RPS6KA2: variants seen among roughly 807,000 people sequenced by gnomAD.
The protein encoded by RPS6KA2 is ribosomal protein S6 kinase A2.
Under a neutral mutation model 91.8 loss-of-function variants are expected in RPS6KA2, and 42 were observed. That is an observed-to-expected ratio of 0.46 (90% CI 0.36 to 0.59). RPS6KA2 has a LOEUF of 0.59. Ranked by LOEUF, RPS6KA2 falls within the 20% of genes least tolerant of loss-of-function variation. RPS6KA2 has a pLI of 0.00. For missense variants in RPS6KA2, 798 were observed against 978.5 expected, an observed-to-expected ratio of 0.82 and a Z score of 2.46; for synonymous variants, 414 against 393.6, an observed-to-expected ratio of 1.05 and a Z score of -0.61.
chr6:166,758,087 G>A (rs980549908), intron 2 of RPS6KA2, among the ~76,000 whole-genome samples: 2 of 152,210 alleles, frequency 1.3e-5, no homozygotes, highest in African/African-American at 4.8e-5. Flanking sequence ...AGCCAGGCTG[G>A]CAACGTGCCT....
rs144113241 is a variant in RPS6KA2, at chr6:166,480,167, C to A, written c.907+8666G>T. On this transcript the variant is annotated intron_variant, in intron 10 of 20. Coordinates refer to ENST00000265678, the MANE Select transcript of RPS6KA2 (RefSeq NM_021135.6). ...TTATGAAAAGTGGGAAAAACACACC[C>A]CTTCACCCGGAAGTTGGGAAACTGC... Among the ~76,000 whole-genome samples the A allele has an allele frequency of 6.1e-4, 93 of 152,110 alleles. 1 individual carries two copies. The Middle Eastern group carries it at 0.014, about 22-fold the overall frequency.
chr6:166,805,417 G>A (rs1002062940), intron 2 of RPS6KA2, among the ~76,000 whole-genome samples: 2 of 152,132 alleles, frequency 1.3e-5, no homozygotes, highest in African/African-American at 4.8e-5. Flanking sequence ...TAAAGAATCG[G>A]CACATTTTTT....
At chr6:166,574,756 G>C (rs1307991155) in intron 1 of RPS6KA2, among the ~76,000 whole-genome samples, 3 of 152,208 alleles carry the variant, frequency 2.0e-5, no homozygotes, top group Admixed American at 6.5e-5. Flanking sequence ...ATAGGAGTAA[G>C]ATGGAAACAG....
chr6:166,728,600 C>T (rs1159167536), intron 2 of RPS6KA2, among the ~76,000 whole-genome samples: 1 of 152,218 alleles, frequency 6.6e-6, no homozygotes, highest in African/African-American at 2.4e-5. Flanking sequence ...CTCACACCCT[C>T]CAGCACACAA....
At chr6:166,634,219 G>A (rs1457956921) in intron 2 of RPS6KA2, among the ~76,000 whole-genome samples, 1 of 152,228 alleles carries the variant, frequency 6.6e-6, no homozygotes, top group Non-Finnish European at 1.5e-5. Context: ...TGACAGTCTT[G>A]TGGGGCAGGA....
intron 2 of RPS6KA2, among the ~76,000 whole-genome samples, chr6:166,697,708 C>A (rs1004223322): frequency 3.9e-5 from 6 of 152,208 alleles, no homozygotes; most frequent in African/African-American, 1.4e-4. Flanking sequence ...AGGCTAATAT[C>A]TCTCCTATTT....
At chr6:166,669,326 T>C (rs1213544522) in intron 2 of RPS6KA2, among the ~76,000 whole-genome samples, 1 of 152,146 alleles carries the variant, frequency 6.6e-6, no homozygotes, top group Non-Finnish European at 1.5e-5. Flanking sequence ...GCAGTGGACA[T>C]GGAACATGGA....
At chr6:166,467,086 A>G (rs1238478791) in intron 11 of RPS6KA2, among the ~76,000 whole-genome samples, 1 of 149,518 alleles carries the variant, frequency 6.7e-6, no homozygotes, top group Non-Finnish European at 1.5e-5. Flanking sequence ...TCACTCCCTC[A>G]CTCATTCACT....
intron 8 of RPS6KA2, among the ~76,000 whole-genome samples, chr6:166,496,149 AAG>A (rs1781776962): frequency 6.6e-6 from 1 of 152,170 alleles, no homozygotes; most frequent in East Asian, 1.9e-4. Flanking sequence ...TTGGGGGTTC[AAG>A]ACCAACCTGG....
chr6:166,601,495 T>G (rs965649928), intron 1 of RPS6KA2, among the ~76,000 whole-genome samples: 4 of 152,214 alleles, frequency 2.6e-5, no homozygotes, highest in African/African-American at 7.2e-5. Flanking sequence ...AGGAGAGACT[T>G]GCTGTATTAG....
intron 17 of RPS6KA2, among the ~76,000 whole-genome samples, chr6:166,422,151 C>T (rs1177073617): frequency 6.6e-6 from 1 of 152,258 alleles, no homozygotes; most frequent in Middle Eastern, 3.4e-3. Flanking sequence ...CCACCTGCCT[C>T]GGCCTCCCAA....
chr6:166,535,043 G>C (rs1040243858), intron 2 of RPS6KA2, among the ~76,000 whole-genome samples: 2 of 152,168 alleles, frequency 1.3e-5, no homozygotes, highest in African/African-American at 2.4e-5. Context: ...TAATGTAGTG[G>C]AATAAGCTCC....
intron 1 of RPS6KA2, among the ~76,000 whole-genome samples, chr6:166,539,480 A>G (rs1463852819): frequency 6.6e-6 from 1 of 152,208 alleles, no homozygotes; most frequent in Non-Finnish European, 1.5e-5. Flanking sequence ...GGTCTGGAAA[A>G]TGCAGACGGC....
At chr6:166,771,205 A>C (rs765191653) in intron 2 of RPS6KA2, among the ~76,000 whole-genome samples, 4 of 152,218 alleles carry the variant, frequency 2.6e-5, no homozygotes, top group Non-Finnish European at 5.9e-5. Context: ...CAACGGAAAG[A>C]AAGTCTCTTT....
intron 11 of RPS6KA2, among the ~76,000 whole-genome samples, chr6:166,465,607 C>A (rs1354112932): frequency 2.6e-5 from 4 of 152,226 alleles, no homozygotes; most frequent in African/African-American, 7.2e-5. Flanking sequence ...TGTTTTCATG[C>A]CTACACATCT....
At chr6:166,808,485 G>C (rs1562450569) in intron 2 of RPS6KA2, among the ~76,000 whole-genome samples, 1 of 152,216 alleles carries the variant, frequency 6.6e-6, no homozygotes, top group East Asian at 1.9e-4. Context: ...CCAGGGCAGA[G>C]GGCTTTGGTT....
intron 2 of RPS6KA2, among the ~76,000 whole-genome samples, chr6:166,822,461 A>ACC (rs1779928409): frequency 6.6e-6 from 1 of 152,138 alleles, no homozygotes; most frequent in Non-Finnish European, 1.5e-5. Context: ...TGGGGTGGGA[A>ACC]CCCACCCTGT....
chr6:166,517,459 T>TGTG (rs1562550783), intron 3 of RPS6KA2, among the ~76,000 whole-genome samples: 1 of 33,018 alleles, frequency 3.0e-5, no homozygotes, highest in African/African-American at 1.2e-4. Flanking sequence ...TGTTTTGTTT[T>TGTG]TTTTTTTTTT....
At chr6:166,791,324 A>G (rs1425976249) in intron 2 of RPS6KA2, among the ~76,000 whole-genome samples, 1 of 152,188 alleles carries the variant, frequency 6.6e-6, no homozygotes, top group African/African-American at 2.4e-5. Context: ...ACTATCCTAA[A>G]TATATATGCA....
Sources: allele counts gnomAD v4.1 joint callset (sites outside exome capture counted in the v4.1 genomes callset), GRCh38; gene constraint gnomAD v4.1.1; transcripts MANE v1.5; gene names NCBI Gene and HGNC (gene_info 2026-07-23, HGNC 2026-07-21).